Variants in ATP8B3 observed in about 807,000 individuals in gnomAD.
ATP8B3 encodes the protein ATPase phospholipid transporting 8B3.
A neutral mutation model predicts 140.9 loss-of-function variants in ATP8B3; 141 were observed. That is an observed-to-expected ratio of 1.00 (90% CI 0.87 to 1.15). The LOEUF (loss-of-function observed/expected upper bound fraction) is 1.15. Among genes scored for constraint, ATP8B3 ranks in the 50% most tolerant of loss-of-function variants. ATP8B3 has a pLI of 0.00. For missense variants in ATP8B3, 1,874 were observed against 1,740.6 expected (o/e 1.08, Z -1.36); for synonymous variants, 765 against 714.6 (o/e 1.07, Z -1.13).
At position 1,806,297 on chromosome 19, in the gene ATP8B3, AG is replaced by A; in HGVS notation, c.678-129del. On this transcript the variant is annotated intron_variant, in intron 7 of 28. Transcript: ENST00000310127. This position sits in a 1 kb window ranked among gnomAD's most constrained non-coding sequence, Gnocchi z 5.6. ...CCCACCTCCGGGCCTTTGCCCCCTCAGGAAGCCTTCCCCGGGCTCCCACCCC... is the reference window on the plus strand; with the variant it reads ...CCCACCTCCGGGCCTTTGCCCCCTCAGAAGCCTTCCCCGGGCTCCCACCCC... 6.7e-7 allele frequency: 1 copy of A among 1,490,250 alleles called. No individual in the cohort carries two copies. Among genetic ancestry groups the A allele is most frequent in the Non-Finnish European group, 8.9e-7 (1 of 1,123,890 alleles). The allele number at this position is 1,490,250 out of a possible 1,614,324, so 92.3% of individuals were successfully genotyped here.
chr19:1,791,740 C>T lies in ATP8B3; in HGVS notation c.2302+10G>A, dbSNP rs577496417. Reference sequence around the variant, plus strand: ...AGGGGCTTAGCCACCCGGAGCTGCCCGGGACTCACCCTGCTTGTCCCCGGT... The same window carrying T: ...AGGGGCTTAGCCACCCGGAGCTGCCTGGGACTCACCCTGCTTGTCCCCGGT... On this transcript the variant is annotated intron_variant, in intron 20 of 28. Coordinates refer to ENST00000310127, the MANE Select transcript of ATP8B3 (RefSeq NM_138813.4). 26 of 1,604,638 alleles carry T rather than the reference C, an allele frequency of 1.6e-5. No homozygotes were observed. Among genetic ancestry groups the T allele is most frequent in the African/African-American group, 4.0e-5 (3 of 74,776 alleles).
intron 11 of ATP8B3, 81 bp downstream of exon 11, chr19:1,802,406 T>TGGGCCC: frequency 2.4e-6 from 1 of 421,058 alleles, no homozygotes; most frequent in Non-Finnish European, 4.4e-6. Flanking sequence ...TCCACCCACC[T>TGGGCCC]ACCCACCCAC....
intron 14 of ATP8B3, chr19:1,798,782 T>C (rs1416268652): frequency 6.6e-6 from 1 of 151,854 alleles, no homozygotes; most frequent in South Asian, 2.1e-4. Flanking sequence ...CTATTTTATT[T>C]TGTGATCTGA....
At chr19:1,785,992 G>A (rs1353390045) in intron 25 of ATP8B3, among the ~76,000 whole-genome samples, 2 of 152,024 alleles carry the variant, frequency 1.3e-5, no homozygotes, top group Non-Finnish European at 2.9e-5. Flanking sequence ...AAGGAGCTGG[G>A]TGTGGTGGTG....
chr19:1,801,856 G>T, intron 12 of ATP8B3, 100 bp downstream of exon 12: 1 of 866,356 alleles, frequency 1.2e-6, no homozygotes, highest in Non-Finnish European at 1.8e-6. Context: ...GGATCAGGCC[G>T]CACATTTTGC....
Position 1,794,067 on chromosome 19 carries a change from G to T in ATP8B3, c.2055+1808C>A, listed in dbSNP as rs900553351. On this transcript the variant is annotated intron_variant, in intron 18 of 28. Coordinates refer to ENST00000310127, the MANE Select transcript of ATP8B3 (RefSeq NM_138813.4). This position sits in a 1 kb window ranked among gnomAD's most constrained non-coding sequence, Gnocchi z 4.8. ...TAAGAGACAGGGGTCTCGCCCTGTC[G>T]CCCAGGCTGGAGTGCAGTGGTGCGA... is the stretch of plus-strand genomic sequence containing the variant. Among the ~76,000 whole-genome samples, 1 of 152,066 alleles carries T rather than the reference G, an allele frequency of 6.6e-6. No homozygotes were observed. Among genetic ancestry groups the T allele is most frequent in the East Asian group, 1.9e-4 (1 of 5,182 alleles).
intron 25 of ATP8B3, among the ~76,000 whole-genome samples, chr19:1,786,644 C>G (rs1568618016): frequency 6.6e-6 from 1 of 152,054 alleles, no homozygotes; most frequent in Non-Finnish European, 1.5e-5. Flanking sequence ...AGCCGCAACA[C>G]AAGCGTTCCT....
rs1035884260 is a variant in ATP8B3 at position 1,795,885 on chromosome 19, T to G, written c.2045A>C (p.Glu682Ala). 4.4e-6 allele frequency: 7 copies of G among 1,598,192 alleles called. No individual in the cohort carries two copies. The highest frequency in any genetic ancestry group is 4.5e-5 in the East Asian group (2 of 44,286). ...RRGAMEFATEEALAAFAQETL... is the reference protein window; with the variant it reads ...RRGAMEFATEAALAAFAQETL... The stretch of plus-strand genomic sequence containing the variant: ...CCTGAAGGGACTCACAGCCAAGGCC[T>G]CCTCTGTGGCAAATTCCATTGCCCC... Residue 682 changes from glutamate (E) to alanine (A), a missense_variant, in exon 18 of 29, where the codon GAG (glutamate) becomes GCG (alanine). Physicochemically the swap from Glu to Ala is moderately radical, Grantham distance 107. Transcript: ENST00000310127.
rs994513603 is a variant in ATP8B3, at chr19:1,785,039, A to G, written c.3533-93T>C. ...GCCTTGGTGCCTTTGTGCCTGGTCC[A>G]TAAAGGAGCGCCTTCCCCAGGACAC... On this transcript the variant is annotated intron_variant, in intron 27 of 28. Transcript: ENST00000310127. The G allele has an allele frequency of 8.0e-6, 12 of 1,503,960 alleles. No homozygotes were observed. In the Admixed American group the frequency reaches 2.5e-4, roughly 32 times the overall value. The allele number at this position is 1,503,960 out of a possible 1,614,324, so 93.2% of individuals were successfully genotyped here. A position where few individuals can be genotyped will look rare whatever the true frequency, so the allele number is the denominator to read the frequency against.
At position 1,789,543 on chromosome 19, in the gene ATP8B3, C is replaced by T. The variant is rs1053933180; in HGVS notation, c.2663G>A (p.Arg888His). 10 of 1,596,684 alleles carry T rather than the reference C, an allele frequency of 6.3e-6. No individual in the cohort carries two copies. The Admixed American group carries it at 8.4e-5, about 13-fold the overall frequency. The change falls in exon 23 of 29, where the codon CGC becomes CAC. Residue 888 changes from arginine (R) to histidine (H), a missense_variant. By Grantham distance (29) the Arg-to-His change is conservative. This residue lies in a region of ATP8B3 where 840 missense variants were observed against 760.9 expected (regional missense o/e 1.10). Transcript: ENST00000310127. The stretch of plus-strand genomic sequence containing the variant: ...CTCCTGCAGCACCTCGGAGCTACGG[C>T]GGGCTCTGGAGTCCTGGGCTGGCGG... ...AAPPAQDSRA[R>H]RSSEVLQERA...
chr19:1,799,455 G>A (rs1358157066), intron 14 of ATP8B3: 7 of 192,880 alleles, frequency 3.6e-5, no homozygotes, highest in Middle Eastern at 1.9e-3. Flanking sequence ...GCAAAACTCC[G>A]TCTCAGAGAG....
At chr19:1,785,377 C>T in intron 26 of ATP8B3, 80 bp from the exon 27 acceptor site, 1 of 1,553,568 alleles carries the variant, frequency 6.4e-7, no homozygotes, top group Non-Finnish European at 8.7e-7. Flanking sequence ...CCAGGAAGGG[C>T]ACCTGGCAAT....
intron 10 of ATP8B3, among the ~76,000 whole-genome samples, chr19:1,803,639 G>C (rs1257526864): frequency 6.6e-6 from 1 of 151,988 alleles, no homozygotes; most frequent in Non-Finnish European, 1.5e-5. Context: ...GGCTATGCCT[G>C]CCATCCCAGC....
chr19:1,784,699 C>G, intron 28 of ATP8B3, 120 bp downstream of exon 28: 1 of 1,339,276 alleles, frequency 7.5e-7, no homozygotes, highest in Middle Eastern at 2.6e-4. Context: ...TCCCCCAAGC[C>G]TAGTGTCTTG....
chr19:1,789,509 G>T lies in ATP8B3; in HGVS notation c.2697C>A (p.Phe899Leu). 1 of 1,598,100 alleles carries T rather than the reference G, an allele frequency of 6.3e-7. No homozygotes were observed. The highest frequency in any genetic ancestry group is 8.5e-7 in the Non-Finnish European group (1 of 1,179,082). Residue 899 changes from phenylalanine (F) to leucine (L), a missense_variant, in exon 23 of 29, where the codon TTC (phenylalanine) becomes TTA (leucine). Phe to Leu is a conservative substitution (Grantham distance 22, BLOSUM62 0). Coordinates refer to ENST00000310127, the MANE Select transcript of ATP8B3 (RefSeq NM_138813.4). ...RSSEVLQERA[F>L]VDLASKCQAV... ...CCTGGCACTTGGACGCCAGGTCCAC[G>T]AAGGCGCGCTCCTGCAGCACCTCGG...
In ATP8B3 at chr19:1,794,884, A is replaced by C. The variant is rs1011129365; in HGVS notation, c.2055+991T>G. Among the ~76,000 whole-genome samples the C allele has an allele frequency of 2.0e-5, 3 of 152,178 alleles. No homozygotes were observed. Among genetic ancestry groups the C allele is most frequent in the African/African-American group, 7.2e-5 (3 of 41,442 alleles). ...TTCGGGCTTCCCCCACAGAGTGGGA[A>C]GCTTTGGAGCAGACGGAGCTGAGTG... is the stretch of plus-strand genomic sequence containing the variant. On this transcript the variant is annotated intron_variant, in intron 18 of 28. Coordinates refer to ENST00000310127, the MANE Select transcript of ATP8B3 (RefSeq NM_138813.4). This position sits in a 1 kb window ranked among gnomAD's most constrained non-coding sequence, Gnocchi z 4.8.
At chr19:1,787,753 A>C (rs1415446000) in intron 24 of ATP8B3, among the ~76,000 whole-genome samples, 2 of 97,738 alleles carry the variant, frequency 2.0e-5, no homozygotes, top group South Asian at 6.9e-4. Flanking sequence ...AAAAAAAAAA[A>C]AAAAAAAACG....
chr19:1,782,367 C>A lies in ATP8B3; in HGVS notation c.*661G>T. The A allele has an allele frequency of 3.8e-6, 1 of 261,790 alleles. No homozygotes were observed. The highest frequency in any genetic ancestry group is 1.1e-4 in the South Asian group (1 of 8,764). The allele number at this position is 261,790 out of a possible 1,614,324, so 16.2% of individuals were successfully genotyped here. On this transcript the variant is annotated 3_prime_UTR_variant, in exon 29 of 29. Transcript: ENST00000310127. Reference sequence around the variant, plus strand: ...GGGGGCAAGGATAGCTGCTCCTCCCCGGGCACCAGCAGCCACTCCATGGAT... The same window carrying A: ...GGGGGCAAGGATAGCTGCTCCTCCCAGGGCACCAGCAGCCACTCCATGGAT...
In ATP8B3 at chr19:1,782,197, C is replaced by A. The variant is rs997984106; in HGVS notation, c.*831G>T. 7 of 261,582 alleles carry A rather than the reference C, an allele frequency of 2.7e-5. No homozygotes were observed. The allele number at this position is 261,582 out of a possible 1,614,324, so 16.2% of individuals were successfully genotyped here. A position where few individuals can be genotyped will look rare whatever the true frequency, so the allele number is the denominator to read the frequency against. Reference sequence around the variant, plus strand: ...GCAGCAGAACTGGCTGGAGCTTCTTCTTCCCAGGAAGGACATCTTCCTGAT... The same window carrying A: ...GCAGCAGAACTGGCTGGAGCTTCTTATTCCCAGGAAGGACATCTTCCTGAT... On this transcript the variant is annotated 3_prime_UTR_variant, in exon 29 of 29. Coordinates refer to ENST00000310127, the MANE Select transcript of ATP8B3 (RefSeq NM_138813.4).
Sources: gnomAD v4.1 joint callset for allele counts (sites outside exome capture counted in the v4.1 genomes callset) on GRCh38, gnomAD v4.1.1 for gene constraint, gnomAD v4.1.1 regional missense constraint, Gnocchi (gnomAD v3.1) non-coding constraint, MANE v1.5 for transcripts, NCBI Gene and HGNC (gene_info 2026-07-23, HGNC 2026-07-21) for gene names.